Variants in CCDC12 observed in about 807,000 individuals in gnomAD.
The protein encoded by CCDC12 is coiled-coil domain-containing protein 12.
Under a neutral mutation model 25.7 loss-of-function variants are expected in CCDC12, and 28 were observed. The ratio of observed to expected loss-of-function variants is 1.09; its 90% confidence interval spans 0.81 to 1.50. The LOEUF (loss-of-function observed/expected upper bound fraction) is 1.50. Ranked by LOEUF, CCDC12 falls within the 40% of genes most tolerant of loss-of-function variation. The pLI is 0.00. For synonymous variants in CCDC12, 75 were observed against 87.7 expected, an observed-to-expected ratio of 0.86 and a Z score of 0.81; for missense variants, 198 against 210.0, an observed-to-expected ratio of 0.94 and a Z score of 0.35.
At chr3:46,979,596 T>G, upstream of CCDC12, 1 of 268,136 alleles carries the variant, frequency 3.7e-6, no homozygotes, top group Non-Finnish European at 7.0e-6. Context: ...TCTCCGCCCT[T>G]TACATGGTCC....
intron 1 of CCDC12, 53 bp from the exon 2 acceptor site, chr3:46,941,118 T>C: frequency 1.3e-6 from 2 of 1,568,542 alleles, no homozygotes; most frequent in African/African-American, 1.4e-5. Flanking sequence ...CTACTTCCAG[T>C]CCACGTGGCC....
intron 1 of CCDC12, among the ~76,000 whole-genome samples, chr3:46,961,632 G>C (rs2034468868): frequency 6.6e-6 from 1 of 152,236 alleles, no homozygotes; most frequent in Admixed American, 6.5e-5. Context: ...GGAAATGTCT[G>C]AATGTTTTGT....
intron 1 of CCDC12, among the ~76,000 whole-genome samples, chr3:46,946,427 G>A (rs1204937620): frequency 1.3e-5 from 2 of 152,266 alleles, no homozygotes; most frequent in African/African-American, 2.4e-5. Flanking sequence ...AATGTCCACT[G>A]GGGGATTATG....
intron 2 of CCDC12, 137 bp downstream of exon 2, chr3:46,940,861 G>T: frequency 1.2e-6 from 1 of 810,640 alleles, no homozygotes; most frequent in South Asian, 1.5e-5. Flanking sequence ...TTTAAGGTCT[G>T]AACAGGACAG....
chr3:46,924,475 T>C (rs2032847507), intron 3 of CCDC12, among the ~76,000 whole-genome samples: 1 of 152,246 alleles, frequency 6.6e-6, no homozygotes, highest in Non-Finnish European at 1.5e-5. Flanking sequence ...GACCGGGATG[T>C]GGCCAAATGG....
At chr3:46,941,146 G>A (rs1383177526) in intron 1 of CCDC12, 81 bp from the exon 2 acceptor site, 2 of 1,375,010 alleles carry the variant, frequency 1.5e-6, no homozygotes, top group Non-Finnish European at 2.1e-6. Context: ...CTAAAGAACA[G>A]GACATCTCAG....
chr3:46,966,443 G>A (rs910022477), intron 1 of CCDC12, among the ~76,000 whole-genome samples: 10 of 152,030 alleles, frequency 6.6e-5, no homozygotes, highest in African/African-American at 1.2e-4. Context: ...AGCACGGGGC[G>A]GGGCAGAGGC....
chr3:46,957,996 C>CACACAT (rs113627328), intron 1 of CCDC12, among the ~76,000 whole-genome samples: 17,869 of 142,186 alleles, frequency 0.13, 1,731 homozygotes, highest in East Asian at 0.28. Context: ...CACACACACA[C>CACACAT]ATATATATGT....
chr3:46,965,910 C>T (rs1299075802), intron 1 of CCDC12: 1 of 152,484 alleles, frequency 6.6e-6, no homozygotes, highest in Non-Finnish European at 1.5e-5. Context: ...CACACCATCT[C>T]ACTTAACCCT....
In CCDC12 at chr3:46,921,912, A is replaced by C; in HGVS notation, c.*145T>G. 1 of 812,992 alleles carries C rather than the reference A, an allele frequency of 1.2e-6. No homozygotes were observed. Among genetic ancestry groups the C allele is most frequent in the Non-Finnish European group, 2.0e-6 (1 of 512,538 alleles). 50.4% of individuals were successfully genotyped at this position (812,992 alleles called of 1,614,324 possible). On this transcript the variant is annotated 3_prime_UTR_variant, in exon 7 of 7. Coordinates refer to ENST00000683445, the MANE Select transcript of CCDC12 (RefSeq NM_001277074.2). ...ACCCAGCAGACAAGGAGCTGACCTC[A>C]TCCATGGGGGTTTCAGACTTGATGG...
At chr3:46,959,654 G>A (rs746163032) in intron 1 of CCDC12, among the ~76,000 whole-genome samples, 12 of 152,178 alleles carry the variant, frequency 7.9e-5, no homozygotes, top group Non-Finnish European at 1.3e-4. Flanking sequence ...GACCCTACAC[G>A]TGTGCAGAGA....
intron 2 of CCDC12, among the ~76,000 whole-genome samples, chr3:46,936,206 T>C (rs2033435285): frequency 6.6e-6 from 1 of 152,240 alleles, no homozygotes; most frequent in Non-Finnish European, 1.5e-5. Context: ...CCAAGGACTA[T>C]CTAATGCAGC....
intron 1 of CCDC12, among the ~76,000 whole-genome samples, chr3:46,954,760 C>T (rs1165997182): frequency 6.6e-6 from 1 of 152,108 alleles, no homozygotes; most frequent in Non-Finnish European, 1.5e-5. Context: ...CCCATCTCTA[C>T]TAAAAATACA....
chr3:46,953,057 G>A (rs1191143645), intron 1 of CCDC12, among the ~76,000 whole-genome samples: 1 of 152,084 alleles, frequency 6.6e-6, no homozygotes, highest in African/African-American at 2.4e-5. Context: ...GCTCTTTCTG[G>A]TGTCATTTCA....
chr3:46,972,157 T>C (rs962077159), intron 1 of CCDC12, among the ~76,000 whole-genome samples: 3 of 152,208 alleles, frequency 2.0e-5, no homozygotes, highest in African/African-American at 7.2e-5. Flanking sequence ...CATCAAATTT[T>C]AAACTCTTTG....
At chr3:46,943,766 T>TG (rs2033804449) in intron 1 of CCDC12, among the ~76,000 whole-genome samples, 2 of 151,966 alleles carry the variant, frequency 1.3e-5, no homozygotes, top group African/African-American at 2.4e-5. Context: ...ATCTGGTGGG[T>TG]GGGGGGCAGC....
chr3:46,959,595 G>A (rs1320277162), intron 1 of CCDC12, among the ~76,000 whole-genome samples: 7 of 152,094 alleles, frequency 4.6e-5, no homozygotes, highest in Non-Finnish European at 1.0e-4. Context: ...AGTGTCACCC[G>A]GAGGAAGCCC....
At chr3:46,944,362 G>A (rs956722170) in intron 1 of CCDC12, among the ~76,000 whole-genome samples, 11 of 152,096 alleles carry the variant, frequency 7.2e-5, no homozygotes, top group African/African-American at 1.2e-4. Flanking sequence ...CCTCTCCTGC[G>A]CTCCCCACAC....
At chr3:46,943,683 G>A (rs1277539970) in intron 1 of CCDC12, among the ~76,000 whole-genome samples, 2 of 152,222 alleles carry the variant, frequency 1.3e-5, no homozygotes, top group Non-Finnish European at 2.9e-5. Context: ...AAGTGCCTCA[G>A]CAAAGGCCAA....
Sources: gnomAD v4.1 joint callset for allele counts (sites outside exome capture counted in the v4.1 genomes callset) on GRCh38, gnomAD v4.1.1 for gene constraint, MANE v1.5 for transcripts, NCBI Gene and HGNC (gene_info 2026-07-23, HGNC 2026-07-21) for gene names.